EML1: variants seen among roughly 807,000 people sequenced by gnomAD.
EML1 encodes the protein EMAP like 1.
Under a neutral mutation model 110.4 loss-of-function variants are expected in EML1, and 27 were observed. The ratio of observed to expected loss-of-function variants is 0.24; its 90% CI spans 0.18 to 0.34. EML1 has a LOEUF of 0.34. Among genes scored for constraint, EML1 ranks in the 10% least tolerant of loss-of-function variants. EML1 has a pLI of 1.00. For missense variants in EML1, 741 were observed against 1,030.9 expected, an observed-to-expected ratio of 0.72 and a Z score of 3.85; for synonymous variants, 344 against 385.8, an observed-to-expected ratio of 0.89 and a Z score of 1.27.
intron 2 of EML1, among the ~76,000 whole-genome samples, chr14:99,859,934 C>T (rs1296754494): frequency 1.3e-5 from 2 of 152,176 alleles, no homozygotes; most frequent in African/African-American, 2.4e-5. Flanking sequence ...TACTATGTGC[C>T]GGGCACTGTA....
At chr14:99,927,834 T>TGG (rs2060268404) in intron 17 of EML1, among the ~76,000 whole-genome samples, 1 of 13,808 alleles carries the variant, frequency 7.2e-5, no homozygotes, top group Non-Finnish European at 1.3e-4. Context: ...GGTGGTGGTA[T>TGG]TGGTGGTGGT....
chr14:99,859,944 A>G (rs867607881), intron 2 of EML1, among the ~76,000 whole-genome samples: 5 of 152,196 alleles, frequency 3.3e-5, no homozygotes, highest in South Asian at 4.1e-4. Flanking sequence ...CGGGCACTGT[A>G]CTAGAAACTT....
intron 2 of EML1, among the ~76,000 whole-genome samples, chr14:99,861,409 C>T (rs2059001565): frequency 6.6e-6 from 1 of 152,160 alleles, no homozygotes; most frequent in South Asian, 2.1e-4. Context: ...GCATAATACA[C>T]AGTTTTGTTG....
intron 11 of EML1, among the ~76,000 whole-genome samples, chr14:99,909,964 G>C (rs531079074): frequency 6.6e-6 from 1 of 152,168 alleles, no homozygotes; most frequent in Admixed American, 6.5e-5. Flanking sequence ...CTTCTCCCCG[G>C]TCAGTACCCT....
chr14:99,920,651 G>A, intron 16 of EML1, 138 bp from the exon 17 acceptor site: 1 of 652,070 alleles, frequency 1.5e-6, no homozygotes, highest in Non-Finnish European at 2.5e-6. Context: ...ATGAAAGCTG[G>A]GAACAAGCTT....
chr14:99,742,992 G>A (rs1441978346), intron 1 of EML1, among the ~76,000 whole-genome samples: 4 of 152,154 alleles, frequency 2.6e-5, no homozygotes, highest in Non-Finnish European at 4.4e-5. Flanking sequence ...AGCATCCAGC[G>A]ACCTCTCACG....
chr14:99,826,718 C>CA (rs200958618), intron 1 of EML1, among the ~76,000 whole-genome samples: 4,385 of 147,852 alleles, frequency 0.03, 172 homozygotes, highest in African/African-American at 0.097. Context: ...GAAAAAAAAA[C>CA]AAAAAAAAAC....
chr14:99,834,895 C>T (rs1251171350), intron 1 of EML1, among the ~76,000 whole-genome samples: 1 of 152,200 alleles, frequency 6.6e-6, no homozygotes, highest in East Asian at 1.9e-4. Context: ...TCTTGGCTCA[C>T]TGCAACCTCT....
At chr14:99,797,976 C>A (rs1348596452) in intron 1 of EML1, among the ~76,000 whole-genome samples, 4 of 152,106 alleles carry the variant, frequency 2.6e-5, no homozygotes. Context: ...AAAGGCTGTT[C>A]AAAGCTAGAA....
intron 8 of EML1, among the ~76,000 whole-genome samples, chr14:99,899,948 A>C (rs2059733541): frequency 6.6e-6 from 1 of 152,138 alleles, no homozygotes; most frequent in East Asian, 1.9e-4. Context: ...ATTAGACTGA[A>C]CTAGAACTTG....
rs951603435 is a variant in EML1 at position 99,891,295 on chromosome 14, G to A, written c.547+68G>A. 4.4e-6 allele frequency: 7 copies of A among 1,602,164 alleles called. No individual in the cohort carries two copies. The African/African-American group carries it at 9.4e-5, about 22-fold the overall frequency. On this transcript the variant is annotated intron_variant, in intron 5 of 21. Transcript: ENST00000262233. ...CTCTCAGAACTCAAGGGACAGAAAA[G>A]AAGTAGCCAGCTTCAGGGGCCAGCC... is the stretch of plus-strand genomic sequence containing the variant.
At chr14:99,782,790 T>A (rs1468716498) in intron 1 of EML1, among the ~76,000 whole-genome samples, 1 of 152,074 alleles carries the variant, frequency 6.6e-6, no homozygotes, top group Non-Finnish European at 1.5e-5. Context: ...AAGGAGATGA[T>A]GGGAGGGGAG....
At chr14:99,854,327 C>CT (rs1241386318) in intron 2 of EML1, among the ~76,000 whole-genome samples, 3 of 152,366 alleles carry the variant, frequency 2.0e-5, no homozygotes, top group Admixed American at 6.5e-5. Context: ...CTTTGGCTGA[C>CT]TATCATTCTT....
chr14:99,913,206 G>A (rs928461382), intron 13 of EML1, among the ~76,000 whole-genome samples: 1 of 151,926 alleles, frequency 6.6e-6, no homozygotes, highest in South Asian at 2.1e-4. Flanking sequence ...TTTTCAGACA[G>A]GGTCTGGCTC....
intron 2 of EML1, among the ~76,000 whole-genome samples, chr14:99,856,175 A>G (rs1179968919): frequency 6.6e-6 from 1 of 152,228 alleles, no homozygotes; most frequent in East Asian, 1.9e-4. Context: ...CAAGGGCTAA[A>G]TCTGGGACTG....
At chr14:99,863,332 T>A (rs2059035131) in intron 2 of EML1, among the ~76,000 whole-genome samples, 1 of 152,216 alleles carries the variant, frequency 6.6e-6, no homozygotes, top group Non-Finnish European at 1.5e-5. Context: ...TGTCATACAA[T>A]CTTCATTCCA....
At chr14:99,912,555 T>A (rs2059963617) in intron 13 of EML1, among the ~76,000 whole-genome samples, 1 of 152,146 alleles carries the variant, frequency 6.6e-6, no homozygotes, top group South Asian at 2.1e-4. Flanking sequence ...CACTTATATT[T>A]TACATCAGAG....
intron 1 of EML1, among the ~76,000 whole-genome samples, chr14:99,845,104 G>C (rs1003299963): frequency 6.6e-6 from 1 of 152,158 alleles, no homozygotes; most frequent in Non-Finnish European, 1.5e-5. Flanking sequence ...CAGGGTGGTC[G>C]TGTCATTTTG....
intron 1 of EML1, among the ~76,000 whole-genome samples, chr14:99,750,777 T>C (rs1373666185): frequency 6.6e-6 from 1 of 152,024 alleles, no homozygotes; most frequent in Non-Finnish European, 1.5e-5. Context: ...CTTGATTTTG[T>C]TCATAGTCAC....
Sources: gnomAD v4.1 joint callset for allele counts (sites outside exome capture counted in the v4.1 genomes callset) on GRCh38, gnomAD v4.1.1 for gene constraint, MANE v1.5 for transcripts, NCBI Gene and HGNC (gene_info 2026-07-23, HGNC 2026-07-21) for gene names.